Variants in DIPK1B observed in about 807,000 individuals in gnomAD.
DIPK1B encodes family with sequence similarity 69 member B.
Under a neutral mutation model 20.7 loss-of-function variants are expected in DIPK1B, and 17 were observed. That is an observed-to-expected ratio of 0.82 (90% confidence interval 0.56 to 1.23). The LOEUF (loss-of-function observed/expected upper bound fraction) is 1.23. Among genes scored for constraint, DIPK1B ranks in the 50% most tolerant of loss-of-function variants. The pLI, the probability that DIPK1B is intolerant of heterozygous loss-of-function variation, is 0.00. For missense variants in DIPK1B, 648 were observed against 601.8 expected (o/e 1.08, Z -0.80); for synonymous variants, 343 against 276.5 (o/e 1.24, Z -2.39).
Position 136,717,601 on chromosome 9 carries a change from CG to C in DIPK1B, c.89del (p.Arg30ProfsTer84), listed in dbSNP as rs1564307325. ...GGGCCGGCTCCCAGGCCTCAGGGTC[CG>C]CTGCATCTTCCTGGCCTGGCTGGGC... The part of the protein sequence containing the change: ...LQGRLPGLRV[R>X]CIFLAWLGVF... On this transcript the variant is annotated frameshift_variant, in exon 2 of 5. Transcript: ENST00000371692. LOFTEE classifies it high-confidence loss of function. 1 of 1,601,332 alleles carries C rather than the reference CG, an allele frequency of 6.2e-7. No individual in the cohort carries two copies. The highest frequency in any genetic ancestry group is 1.1e-5 in the South Asian group (1 of 91,076).
In DIPK1B at chr9:136,723,594, G is replaced by C; in HGVS notation, c.1116G>C (p.Leu372=). 2 of 1,592,644 alleles carry C rather than the reference G, an allele frequency of 1.3e-6. No individual in the cohort carries two copies. ...CCAACCTGGCCAAGGTGTGCGCACT[G>C]CTACGGGGCTACCTGCTGCCTGGCG... ...IQPNLAKVCA[L]LRGYLLPGAP... The change falls in exon 5 of 5, where the codon CTG becomes CTC. Residue 372 remains leucine, a synonymous_variant. Transcript: ENST00000371692.
At chr9:136,720,673 C>T (rs1338831242) in intron 2 of DIPK1B, among the ~76,000 whole-genome samples, 3 of 152,320 alleles carry the variant, frequency 2.0e-5, no homozygotes, top group African/African-American at 7.2e-5. Context: ...GAAGGACAGG[C>T]CCGGAGTCAT....
intron 1 of DIPK1B, among the ~76,000 whole-genome samples, chr9:136,717,012 T>C (rs917358866): frequency 2.6e-5 from 4 of 152,036 alleles, no homozygotes; most frequent in Non-Finnish European, 5.9e-5. Flanking sequence ...GTAGATCACC[T>C]GAGGTCCGGA....
chr9:136,722,107 C>T lies in DIPK1B; in HGVS notation c.307-18C>T. On this transcript the variant is annotated intron_variant, in intron 3 of 4. Transcript: ENST00000371692. The stretch of plus-strand genomic sequence containing the variant: ...GGAGGGGGATGTCTGCACGGAGGAC[C>T]TCTGTGGCCCTGTCCAGGTGTACAG... The T allele has an allele frequency of 6.2e-7, 1 of 1,613,710 alleles. No individual in the cohort carries two copies. The highest frequency in any genetic ancestry group is 8.5e-7 in the Non-Finnish European group (1 of 1,179,876).
rs537286239 is a variant in DIPK1B at position 136,717,355 on chromosome 9, G to A, written c.64-222G>A. Reference sequence around the variant, plus strand: ...CTGGGCAGCGCCTGCCCCCACCTCCGGCCCCTGCAGCCCCTGGTATGTGAC... The same window carrying A: ...CTGGGCAGCGCCTGCCCCCACCTCCAGCCCCTGCAGCCCCTGGTATGTGAC... On this transcript the variant is annotated intron_variant, in intron 1 of 4. Transcript: ENST00000371692. 7.9e-5 allele frequency among the ~76,000 whole-genome samples: 12 copies of A among 152,268 alleles called. No homozygotes were observed. The South Asian group carries it at 1.5e-3, about 18-fold the overall frequency.
chr9:136,722,480 GGGCTGGGGGCAAGGGTTGGGGGCGCC>G, intron 4 of DIPK1B, 179 bp downstream of exon 4: 2 of 787,064 alleles, frequency 2.5e-6, no homozygotes, highest in South Asian at 3.7e-5. Flanking sequence ...AGCCTCTCCA[GGGCTGGGGGCAAGGGTTGGGGGCGCC>G]GGTGGGCTGG....
chr9:136,722,684 T>C (rs1240527201), intron 4 of DIPK1B: 2 of 577,120 alleles, frequency 3.5e-6, no homozygotes, highest in Non-Finnish European at 6.1e-6. Context: ...CTCTGAGGCT[T>C]CTCTGCCCAG....
At chr9:136,717,876 CAG>C (rs1317611999) in intron 2 of DIPK1B, among the ~76,000 whole-genome samples, 165 bp downstream of exon 2, 6 of 147,436 alleles carry the variant, frequency 4.1e-5, no homozygotes, top group African/African-American at 1.5e-4. Context: ...GTGTGGAGGA[CAG>C]GGGTCCAGGG....
rs7038042 is a variant in DIPK1B, at chr9:136,723,174, G to A, written c.696G>A (p.Glu232=). ...ACTGTGGGGACCTCTACCTCACCGA[G>A]GGCGTGCCGCATGGCGCCTGGCACG... is the stretch of plus-strand genomic sequence containing the variant. The part of the protein sequence containing the change: ...LGYCGDLYLT[E]GVPHGAWHAA... The change falls in exon 5 of 5, where the codon GAG becomes GAA. Residue 232 remains glutamate, a synonymous_variant. Coordinates refer to ENST00000371692, the MANE Select transcript of DIPK1B (RefSeq NM_152421.4). 0.24 allele frequency: 392,814 copies of A among 1,612,946 alleles called. 49,291 individuals are homozygous for A. The highest frequency in any genetic ancestry group is 0.35 in the Admixed American group (21,124 of 60,008).
At chr9:136,722,694 G>A (rs893724071) in intron 4 of DIPK1B, 4 of 581,896 alleles carry the variant, frequency 6.9e-6, no homozygotes, top group African/African-American at 3.7e-5. Flanking sequence ...TCTCTGCCCA[G>A]GTGCCCACCC....
chr9:136,718,590 C>T (rs1397306731), intron 2 of DIPK1B, among the ~76,000 whole-genome samples: 1 of 152,204 alleles, frequency 6.6e-6, no homozygotes. Context: ...ATTTTGACCC[C>T]AGGCTGCCCG....
At chr9:136,713,096 G>A (rs1001812388) in intron 1 of DIPK1B, among the ~76,000 whole-genome samples, 4 of 152,142 alleles carry the variant, frequency 2.6e-5, no homozygotes, top group Non-Finnish European at 5.9e-5. Flanking sequence ...AAACGCCCTG[G>A]CAAGGACATG....
Position 136,722,361 on chromosome 9 carries a change from G to A in DIPK1B, c.483+60G>A. 3 of 1,541,952 alleles carry A rather than the reference G, an allele frequency of 1.9e-6. No homozygotes were observed. The South Asian group carries it at 3.6e-5, about 18-fold the overall frequency. On this transcript the variant is annotated intron_variant, in intron 4 of 4. Transcript: ENST00000371692. ...CCACACCACGGTCATATGCCCAGCA[G>A]GCGGCCCTGGCACCAACATGCCCAG... is the stretch of plus-strand genomic sequence containing the variant.
chr9:136,722,942 C>T lies in DIPK1B; in HGVS notation c.484-20C>T. 1 of 1,586,488 alleles carries T rather than the reference C, an allele frequency of 6.3e-7. No individual in the cohort carries two copies. Among genetic ancestry groups the T allele is most frequent in the Non-Finnish European group, 8.6e-7 (1 of 1,164,898 alleles). ...CATCAAATCAGCTGGCTTTTCCTTT[C>T]TTTTGGTCCCAAACGCCAGGCGAAC... On this transcript the variant is annotated intron_variant, in intron 4 of 4. Coordinates refer to ENST00000371692, the MANE Select transcript of DIPK1B (RefSeq NM_152421.4).
At chr9:136,717,190 C>G (rs1376358103) in intron 1 of DIPK1B, among the ~76,000 whole-genome samples, 2 of 151,382 alleles carry the variant, frequency 1.3e-5, no homozygotes, top group Non-Finnish European at 2.9e-5. Context: ...GATCGCGCCA[C>G]TGCACTCCAG....
intron 2 of DIPK1B, among the ~76,000 whole-genome samples, chr9:136,719,822 G>A (rs1267774518): frequency 6.6e-6 from 1 of 152,264 alleles, no homozygotes; most frequent in Non-Finnish European, 1.5e-5. Context: ...TGTGCCAGGA[G>A]CAGGGCAGCC....
rs963033848 is a variant in DIPK1B, at chr9:136,717,501, G to A, written c.64-76G>A. The A allele has an allele frequency of 2.6e-6, 4 of 1,529,624 alleles. No homozygotes were observed. The Admixed American group carries it at 5.8e-5, about 22-fold the overall frequency. 94.8% of individuals were successfully genotyped at this position (1,529,624 alleles called of 1,614,324 possible). On this transcript the variant is annotated intron_variant, in intron 1 of 4. Transcript: ENST00000371692. The stretch of plus-strand genomic sequence containing the variant: ...TGGGGTGGATCCGGAGGCCCTTCCT[G>A]TGGGAAGTGGGGTTGAGAGCACCCT...
Position 136,723,797 on chromosome 9 carries a change from A to C in DIPK1B, c.*23A>C, listed in dbSNP as rs1564312395. The C allele has an allele frequency of 6.5e-7, 1 of 1,529,016 alleles. No individual in the cohort carries two copies. The highest frequency in any genetic ancestry group is 1.4e-5 in the African/African-American group (1 of 72,984). The allele number at this position is 1,529,016 out of a possible 1,614,324, so 94.7% of individuals were successfully genotyped here. A position where few individuals can be genotyped will look rare whatever the true frequency, so the allele number is the denominator to read the frequency against. Reference sequence around the variant, plus strand: ...TGATGGGGCAGTGAGGGGCCTGGCCACCCTTCCTGGAGCTGGCCAGGTGCC... The same window carrying C: ...TGATGGGGCAGTGAGGGGCCTGGCCCCCCTTCCTGGAGCTGGCCAGGTGCC... On this transcript the variant is annotated 3_prime_UTR_variant, in exon 5 of 5. Transcript: ENST00000371692.
chr9:136,723,624 C>T lies in DIPK1B; in HGVS notation c.1146C>T (p.Pro382=), dbSNP rs149254034. 1.7e-3 allele frequency: 2,614 copies of T among 1,577,446 alleles called. 15 individuals carry two copies. Among genetic ancestry groups the T allele is most frequent in the African/African-American group, 0.011 (818 of 74,322 alleles). ...GGGGCTACCTGCTGCCTGGCGCGCCCGCCGACCTCCGCGAGGAGCTGGGCA... is the reference window on the plus strand; with the variant it reads ...GGGGCTACCTGCTGCCTGGCGCGCCTGCCGACCTCCGCGAGGAGCTGGGCA... ...LLRGYLLPGA[P]ADLREELGTQ... Residue 382 remains proline, a synonymous_variant, in exon 5 of 5, where the codon CCC becomes CCT. Transcript: ENST00000371692.
Sources: gnomAD v4.1 joint callset for allele counts (sites outside exome capture counted in the v4.1 genomes callset) on GRCh38, gnomAD v4.1.1 for gene constraint, MANE v1.5 for transcripts, NCBI Gene and HGNC (gene_info 2026-07-23, HGNC 2026-07-21) for gene names.